Variants in DEFB119 observed in about 807,000 individuals in gnomAD.
DEFB119 encodes the protein beta-defensin 119.
Under a neutral mutation model 2.5 loss-of-function variants are expected in DEFB119, and 3 were observed. The observed-to-expected ratio is 1.19, with a 90% CI of 0.54 to 3.07. DEFB119 has a LOEUF of 3.07. DEFB119 is among the 30% of genes most tolerant of loss of function. The pLI is 0.03. For missense variants in DEFB119, 113 were observed against 101.1 expected, an observed-to-expected ratio of 1.12 and a Z score of -0.50; for synonymous variants, 29 against 33.7, an observed-to-expected ratio of 0.86 and a Z score of 0.48.
chr20:31,380,706 G>A (rs1021006771), intron 1 of DEFB119, among the ~76,000 whole-genome samples: 7 of 150,154 alleles, frequency 4.7e-5, no homozygotes, highest in African/African-American at 1.7e-4. Context: ...AATTGCTTTT[G>A]CACCTCTGTC....
intron 1 of DEFB119, among the ~76,000 whole-genome samples, chr20:31,381,539 C>T (rs1986505284): frequency 6.6e-6 from 1 of 152,202 alleles, no homozygotes; most frequent in African/African-American, 2.4e-5. Context: ...CTTAGCTGGG[C>T]ACAGTGCTCA....
At chr20:31,382,894 A>C (rs916001755) in intron 1 of DEFB119, among the ~76,000 whole-genome samples, 3 of 152,240 alleles carry the variant, frequency 2.0e-5, no homozygotes, top group African/African-American at 7.2e-5. Context: ...AAATAATTAC[A>C]CAATAACATA....
chr20:31,377,535 G>T, intron 1 of DEFB119, 96 bp from the exon 2 acceptor site: 1 of 1,341,282 alleles, frequency 7.5e-7, no homozygotes, highest in Non-Finnish European at 1.0e-6. Flanking sequence ...AGGGGGAGCA[G>T]GGAGAAAACC....
chr20:31,385,068 A>G (rs1013804431), intron 1 of DEFB119, among the ~76,000 whole-genome samples: 3 of 152,216 alleles, frequency 2.0e-5, no homozygotes, highest in Non-Finnish European at 4.4e-5. Context: ...ATTAACAAAC[A>G]TTTCTGCCTT....
At chr20:31,386,808 T>TTC (rs1986718592) in intron 1 of DEFB119, among the ~76,000 whole-genome samples, 1 of 131,730 alleles carries the variant, frequency 7.6e-6, no homozygotes, top group Non-Finnish European at 1.6e-5. Context: ...CTTTTTCTTT[T>TTC]TCTTTTTTTT....
chr20:31,385,374 C>CAAAAAAAAAAAAAA (rs539118665), intron 1 of DEFB119, among the ~76,000 whole-genome samples: 6 of 115,792 alleles, frequency 5.2e-5, no homozygotes, highest in Admixed American at 9.4e-5. Context: ...TAACAAAAGA[C>CAAAAAAAAAAAAAA]AAAAAAAAAA....
Position 31,377,359 on chromosome 20 carries a change from A to G in DEFB119, c.142T>C (p.Tyr48His). 1 of 1,614,202 alleles carries G rather than the reference A, an allele frequency of 6.2e-7. No homozygotes were observed. The highest frequency in any genetic ancestry group is 1.1e-5 in the South Asian group (1 of 91,084). The stretch of plus-strand genomic sequence containing the variant: ...CAGCAGGACTGACAATTTCTGCAAT[A>G]GAGGTAGGGCTGTTCGTTCTTTTTG... The part of the protein sequence containing the change: ...SCKKNEQPYL[Y>H]CRNCQSCCLQ... The change falls in exon 2 of 2, where the codon TAT becomes CAT. Residue 48 changes from tyrosine to histidine, a missense_variant. Physicochemically the swap from Tyr to His is moderately conservative, Grantham distance 83. Coordinates refer to ENST00000376321, the MANE Select transcript of DEFB119 (RefSeq NM_153289.4).
At chr20:31,388,396 G>A in intron 1 of DEFB119, 1 of 879,002 alleles carries the variant, frequency 1.1e-6, no homozygotes, top group Non-Finnish European at 1.4e-6. Context: ...ATTTACAGAG[G>A]AGGAAGATGA....
rs781343809 is a variant in DEFB119, at chr20:31,377,319, A to T, written c.182T>A (p.Met61Lys). 13 of 1,613,916 alleles carry T rather than the reference A, an allele frequency of 8.1e-6. No homozygotes were observed. The African/African-American group carries it at 1.7e-4, about 22-fold the overall frequency. Residue 61 changes from methionine to lysine, a missense_variant, in exon 2 of 2, where the codon ATG (methionine) becomes AAG (lysine). Coordinates refer to ENST00000376321, the MANE Select transcript of DEFB119 (RefSeq NM_153289.4). The stretch of plus-strand genomic sequence containing the variant: ...CTCTTTGCCAGAAATGCTTATCCTC[A>T]TGTAGGACTGGAGGCAGCAGGACTG... ...NCQSCCLQSYMRISISGKEEN... is the reference protein window; with the variant it reads ...NCQSCCLQSYKRISISGKEEN...
chr20:31,386,831 T>C (rs1174939720), intron 1 of DEFB119, among the ~76,000 whole-genome samples: 6 of 147,182 alleles, frequency 4.1e-5, no homozygotes, highest in African/African-American at 1.5e-4. Flanking sequence ...TTTTTTTTTT[T>C]GAGACGGAGT....
chr20:31,382,077 GA>G (rs1343322917), intron 1 of DEFB119, among the ~76,000 whole-genome samples: 1 of 152,154 alleles, frequency 6.6e-6, no homozygotes, highest in Non-Finnish European at 1.5e-5. Flanking sequence ...ATCTACACAT[GA>G]TGAAATGGCA....
At position 31,377,200 on chromosome 20, in the gene DEFB119, G is replaced by A. The variant is rs1846706027; in HGVS notation, c.*46C>T. 2.0e-6 allele frequency: 3 copies of A among 1,534,038 alleles called. No individual in the cohort carries two copies. The highest frequency in any genetic ancestry group is 2.3e-5 in the East Asian group (1 of 43,786). On this transcript the variant is annotated 3_prime_UTR_variant, in exon 2 of 2. Transcript: ENST00000376321. ...TGAATTTTAATGAGGGGGGTTGACA[G>A]CAGGTCTCTGTGCCCAGAGAGCTTG...
At chr20:31,389,040 A>G in intron 1 of DEFB119, 1 of 1,614,152 alleles carries the variant, frequency 6.2e-7, no homozygotes, top group Non-Finnish European at 8.5e-7. Flanking sequence ...TATTAGTTAT[A>G]TTTGTCTTCA....
At chr20:31,390,336 C>T (rs1986885542) in intron 1 of DEFB119, 87 bp downstream of exon 1, 1 of 1,263,044 alleles carries the variant, frequency 7.9e-7, no homozygotes, top group Non-Finnish European at 1.2e-6. Context: ...GAAGGAAAGG[C>T]TTCAGATGAT....
chr20:31,380,245 A>G (rs1986456933), intron 1 of DEFB119, among the ~76,000 whole-genome samples: 1 of 152,058 alleles, frequency 6.6e-6, no homozygotes. Flanking sequence ...TTTACATTTT[A>G]TATTTAAATA....
intron 1 of DEFB119, among the ~76,000 whole-genome samples, chr20:31,385,374 C>CAAAAAAAAAAAA (rs539118665): frequency 8.6e-6 from 1 of 115,800 alleles, no homozygotes. Flanking sequence ...TAACAAAAGA[C>CAAAAAAAAAAAA]AAAAAAAAAA....
intron 1 of DEFB119, among the ~76,000 whole-genome samples, chr20:31,383,960 C>T (rs1349485502): frequency 6.6e-6 from 1 of 152,212 alleles, no homozygotes; most frequent in Non-Finnish European, 1.5e-5. Context: ...CTTTGCTTCT[C>T]TGCCTTCTGC....
intron 1 of DEFB119, among the ~76,000 whole-genome samples, chr20:31,385,375 A>C (rs1986655936): frequency 1.2e-4 from 1 of 8,644 alleles, no homozygotes; most frequent in African/African-American, 3.8e-4. Flanking sequence ...AACAAAAGAC[A>C]AAAAAAAAAA....
intron 1 of DEFB119, chr20:31,378,209 G>T: frequency 7.9e-7 from 1 of 1,261,360 alleles, no homozygotes; most frequent in Admixed American, 1.9e-5. Flanking sequence ...GCCTAGTGCA[G>T]AGTCAAGACT....
Sources: allele counts gnomAD v4.1 joint callset (sites outside exome capture counted in the v4.1 genomes callset), GRCh38; gene constraint gnomAD v4.1.1; transcripts MANE v1.5; gene names NCBI Gene and HGNC (gene_info 2026-07-23, HGNC 2026-07-21).